Variants in ZNF391 observed in about 807,000 individuals in gnomAD.
ZNF391 encodes zinc finger protein 391.
For missense variants in ZNF391, 375 were observed against 425.5 expected, an observed-to-expected ratio of 0.88 and a Z score of 1.04; for synonymous variants, 126 against 142.1, an observed-to-expected ratio of 0.89 and a Z score of 0.80.
At chr6:27,395,937 T>A (rs1029843513) in intron 1 of ZNF391, among the ~76,000 whole-genome samples, 1 of 152,214 alleles carries the variant, frequency 6.6e-6, no homozygotes, top group African/African-American at 2.4e-5. Flanking sequence ...CATATTACCT[T>A]ATGGCAGTAT....
intron 1 of ZNF391, among the ~76,000 whole-genome samples, chr6:27,382,460 C>T (rs558567265): frequency 5.3e-5 from 8 of 152,130 alleles, no homozygotes; most frequent in East Asian, 1.9e-4. Flanking sequence ...CAAGAAAATA[C>T]GAAAAAGGCA....
At position 27,401,061 on chromosome 6, in the gene ZNF391, G is replaced by A. The variant is rs367690042; in HGVS notation, c.691G>A (p.Gly231Ser). The A allele has an allele frequency of 1.5e-5, 25 of 1,613,754 alleles. No homozygotes were observed. Among genetic ancestry groups the A allele is most frequent in the African/African-American group, 8.0e-5 (6 of 74,828 alleles). Residue 231 changes from glycine (G) to serine (S), a missense_variant, in exon 3 of 3, where the codon GGT (glycine) becomes AGT (serine). Gly to Ser is a moderately conservative substitution (Grantham distance 56). Coordinates refer to ENST00000244576, the MANE Select transcript of ZNF391 (RefSeq NM_001076781.3). ...ATGTAATGAATGTGGGAAAGCCTTC[G>A]GTGACCGTTCAACCATAATTCAGCA... Reference protein sequence around the residue: ...YKCNECGKAFGDRSTIIQHQR... With the variant: ...YKCNECGKAFSDRSTIIQHQR...
At position 27,401,060 on chromosome 6, in the gene ZNF391, C is replaced by T. The variant is rs368309338; in HGVS notation, c.690C>T (p.Phe230=). 3.2e-5 allele frequency: 51 copies of T among 1,614,162 alleles called. No individual in the cohort carries two copies. Among genetic ancestry groups the T allele is most frequent in the Middle Eastern group, 1.7e-4 (1 of 6,060 alleles). Residue 230 remains phenylalanine, a synonymous_variant, in exon 3 of 3, where the codon TTC becomes TTT. Coordinates refer to ENST00000244576, the MANE Select transcript of ZNF391 (RefSeq NM_001076781.3). Reference sequence around the variant, plus strand: ...AATGTAATGAATGTGGGAAAGCCTTCGGTGACCGTTCAACCATAATTCAGC... The same window carrying T: ...AATGTAATGAATGTGGGAAAGCCTTTGGTGACCGTTCAACCATAATTCAGC... ...PYKCNECGKA[F]GDRSTIIQHQ... is the part of the protein sequence containing the mutation.
chr6:27,392,991 T>G (rs1275222725), intron 1 of ZNF391, among the ~76,000 whole-genome samples: 3 of 150,550 alleles, frequency 2.0e-5, no homozygotes, highest in African/African-American at 7.3e-5. Context: ...GGAGACTACT[T>G]CCAAGTTAGA....
In ZNF391 at chr6:27,376,331, C is replaced by A. The variant is rs906469033; in HGVS notation, n.523+1194C>A. On this transcript the variant is annotated intron_variant and non_coding_transcript_variant, in intron 1 of 2. Coordinates refer to the ZNF391 transcript ENST00000477999. This position sits in a 1 kb window ranked among gnomAD's most constrained non-coding sequence, Gnocchi z 4.7. ...AGAGGTTAAGTAACTCACCCAAGGT[C>A]ATTCACTTGATTTGGCTACAGGAGC... Among the ~76,000 whole-genome samples the A allele has an allele frequency of 3.9e-5, 6 of 152,222 alleles. No homozygotes were observed. In the East Asian group the frequency reaches 1.2e-3, roughly 29 times the overall value.
At position 27,388,786 on chromosome 6, in the gene ZNF391, G is replaced by A. The variant is rs1761628406; in HGVS notation, c.-477G>A. On this transcript the variant is annotated 5_prime_UTR_variant, in exon 1 of 3. Transcript: ENST00000244576. ...TGTGGTCTCTGTTTTGCAACTGGTC[G>A]TCCGCGTCAGGAGACTTAGGTCCAG... 1 of 411,194 alleles carries A rather than the reference G, an allele frequency of 2.4e-6. No homozygotes were observed. The highest frequency in any genetic ancestry group is 1.7e-5 in the South Asian group (1 of 57,760). The allele number at this position is 411,194 out of a possible 1,614,324, so 25.5% of individuals were successfully genotyped here.
intron 1 of ZNF391, among the ~76,000 whole-genome samples, chr6:27,398,857 T>G (rs909844939): frequency 6.6e-6 from 1 of 150,732 alleles, no homozygotes; most frequent in East Asian, 1.9e-4. Context: ...AGACTCCATC[T>G]CAAAAAAAAC....
At position 27,397,250 on chromosome 6, in the gene ZNF391, G is replaced by GTA. The variant is rs1165328285; in HGVS notation, c.-187-2191_-187-2190dup. Among the ~76,000 whole-genome samples the GTA allele has an allele frequency of 8.5e-5, 13 of 152,252 alleles. No homozygotes were observed. The East Asian group carries it at 2.5e-3, about 29-fold the overall frequency. ...AAAGGGGGAGCAAGCATGTCACATGGTAAGAGCAGGGGCAAGAGACAGCAA... is the reference window on the plus strand; with the variant it reads ...AAAGGGGGAGCAAGCATGTCACATGGTATAAGAGCAGGGGCAAGAGACAGCAA... On this transcript the variant is annotated intron_variant, in intron 1 of 2. Coordinates refer to ENST00000244576, the MANE Select transcript of ZNF391 (RefSeq NM_001076781.3).
intron 1 of ZNF391, among the ~76,000 whole-genome samples, chr6:27,392,885 A>T (rs1319503209): frequency 6.6e-6 from 1 of 152,236 alleles, no homozygotes; most frequent in Non-Finnish European, 1.5e-5. Context: ...GTATTGCAGG[A>T]ATAATAATAA....
At chr6:27,381,300 G>T (rs12192560) in intron 1 of ZNF391, among the ~76,000 whole-genome samples, 7,288 of 152,214 alleles carry the variant, frequency 0.048, 253 homozygotes, top group Non-Finnish European at 0.071. Flanking sequence ...TTCCGCAGCC[G>T]CTGGCCCGGG....
At chr6:27,394,082 A>G (rs1761771340) in intron 1 of ZNF391, among the ~76,000 whole-genome samples, 2 of 152,230 alleles carry the variant, frequency 1.3e-5, no homozygotes, top group Admixed American at 6.5e-5. Flanking sequence ...AAGAAAAAAA[A>G]AGCTTTTTCA....
At chr6:27,386,360 C>T (rs1480574315), upstream of ZNF391, among the ~76,000 whole-genome samples, 3 of 152,058 alleles carry the variant, frequency 2.0e-5, no homozygotes. Flanking sequence ...CAATGTATTC[C>T]TTATAAAAAT....
upstream of ZNF391, among the ~76,000 whole-genome samples, chr6:27,384,482 A>AG (rs1278412871): frequency 1.6e-4 from 4 of 24,698 alleles, no homozygotes; most frequent in East Asian, 8.8e-4. Flanking sequence ...AAAAAAAAAA[A>AG]AGAGAGAGAG....
At chr6:27,385,756 TCAA>T (rs1204715052), upstream of ZNF391, among the ~76,000 whole-genome samples, 1 of 152,104 alleles carries the variant, frequency 6.6e-6, no homozygotes, top group African/African-American at 2.4e-5. Context: ...ATAGTTGAAA[TCAA>T]CAACATCATC....
intron 1 of ZNF391, among the ~76,000 whole-genome samples, chr6:27,380,389 C>A (rs557563369): frequency 6.6e-6 from 1 of 151,958 alleles, no homozygotes; most frequent in East Asian, 1.9e-4. Context: ...TAAGGCAGCA[C>A]GTCTAGAGTT....
At chr6:27,379,582 A>T (rs1188260756) in intron 1 of ZNF391, among the ~76,000 whole-genome samples, 1 of 148,424 alleles carries the variant, frequency 6.7e-6, no homozygotes, top group Non-Finnish European at 1.5e-5. Flanking sequence ...ACTACGATTA[A>T]AAAACTCCAG....
chr6:27,380,221 G>A (rs1561807029), intron 1 of ZNF391, among the ~76,000 whole-genome samples: 1 of 152,232 alleles, frequency 6.6e-6, no homozygotes, highest in Non-Finnish European at 1.5e-5. Context: ...CTTCAAGAAC[G>A]AAGCCGCGGA....
In ZNF391 at chr6:27,399,495, T is replaced by C. The variant is rs1269458681; in HGVS notation, c.-134T>C. 6.6e-6 allele frequency: 1 copy of C among 152,138 alleles called. No individual in the cohort carries two copies. Among genetic ancestry groups the C allele is most frequent in the Non-Finnish European group, 1.5e-5 (1 of 68,030 alleles). The allele number at this position is 152,138 out of a possible 1,614,324, so 9.4% of individuals were successfully genotyped here. A position where few individuals can be genotyped will look rare whatever the true frequency, so the allele number is the denominator to read the frequency against. On this transcript the variant is annotated 5_prime_UTR_variant, in exon 2 of 3. Coordinates refer to ENST00000244576, the MANE Select transcript of ZNF391 (RefSeq NM_001076781.3). ...CACCCAGTTGAAGGAAGAATAATAG[T>C]AGATGTTGGATCTTCAGGAAGCTGA...
At chr6:27,386,833 G>A (rs1343658823), upstream of ZNF391, among the ~76,000 whole-genome samples, 1 of 152,112 alleles carries the variant, frequency 6.6e-6, no homozygotes, top group Non-Finnish European at 1.5e-5. Context: ...ATTAGACAAT[G>A]TAATTTTCAA....
Sources: allele counts gnomAD v4.1 joint callset (sites outside exome capture counted in the v4.1 genomes callset), GRCh38; gene constraint gnomAD v4.1.1; non-coding constraint Gnocchi (gnomAD v3.1); transcripts MANE v1.5; gene names NCBI Gene and HGNC (gene_info 2026-07-23, HGNC 2026-07-21).